The following DSCAM variants were observed in gnomAD, a reference collection of about 807,000 sequenced individuals.
The protein encoded by DSCAM is cell adhesion molecule DSCAM.
Under a neutral mutation model 217.7 loss-of-function variants are expected in DSCAM, and 47 were observed. The observed-to-expected ratio is 0.22, with a 90% CI of 0.17 to 0.28. The LOEUF (loss-of-function observed/expected upper bound fraction) is 0.28. Among genes scored for constraint, DSCAM ranks in the 10% least tolerant of loss-of-function variants. DSCAM has a pLI of 1.00. For synonymous variants in DSCAM, 1,056 were observed against 1,015.3 expected, an observed-to-expected ratio of 1.04 and a Z score of -0.76; for missense variants, 2,080 against 2,618.3, an observed-to-expected ratio of 0.79 and a Z score of 4.49.
chr21:40,839,830 T>TA (rs1181623124), intron 1 of DSCAM, among the ~76,000 whole-genome samples: 2 of 151,844 alleles, frequency 1.3e-5, no homozygotes, highest in African/African-American at 2.4e-5. Context: ...GTCTTCTCAG[T>TA]AAAAAAAATA....
intron 3 of DSCAM, among the ~76,000 whole-genome samples, chr21:40,610,107 C>T (rs934735800): frequency 6.6e-6 from 1 of 152,180 alleles, no homozygotes; most frequent in South Asian, 2.1e-4. Flanking sequence ...ACGAACATCT[C>T]GAGGATTCTG....
chr21:40,153,736 G>A (rs1161862960), intron 16 of DSCAM, among the ~76,000 whole-genome samples: 2 of 152,270 alleles, frequency 1.3e-5, no homozygotes, highest in South Asian at 4.1e-4. Flanking sequence ...AGCCTGGTGA[G>A]GTGTGTTTTA....
chr21:40,824,941 TC>T (rs1477826383), intron 1 of DSCAM, among the ~76,000 whole-genome samples: 1 of 152,236 alleles, frequency 6.6e-6, no homozygotes, highest in Non-Finnish European at 1.5e-5. Context: ...GAAGTTGTTT[TC>T]TGCTTCCATA....
chr21:40,557,659 T>C (rs2076682742), intron 3 of DSCAM, among the ~76,000 whole-genome samples: 1 of 152,144 alleles, frequency 6.6e-6, no homozygotes, highest in African/African-American at 2.4e-5. Context: ...CCATGTAATC[T>C]CCCTGTACAT....
At chr21:40,461,350 A>C (rs1569133347) in intron 3 of DSCAM, among the ~76,000 whole-genome samples, 1 of 152,182 alleles carries the variant, frequency 6.6e-6, no homozygotes, top group Non-Finnish European at 1.5e-5. Context: ...CATTTTCTAA[A>C]ATCCCTTTTC....
At position 40,080,247 on chromosome 21, in the gene DSCAM, T is replaced by A; in HGVS notation, c.4325A>T (p.Lys1442Ile). 3 of 1,613,472 alleles carry A rather than the reference T, an allele frequency of 1.9e-6. No homozygotes were observed. The highest frequency in any genetic ancestry group is 2.5e-6 in the Non-Finnish European group (3 of 1,179,890). Residue 1442 changes from lysine (K) to isoleucine (I), a missense_variant, in exon 25 of 33, where the codon AAA (lysine) becomes ATA (isoleucine). By Grantham distance (102) the Lys-to-Ile change is moderately radical. This residue lies in a region of DSCAM where 1,144 missense variants were observed against 1,421.1 expected (regional missense o/e 0.81). Coordinates refer to ENST00000400454, the MANE Select transcript of DSCAM (RefSeq NM_001389.5). Reference sequence around the variant, plus strand: ...TGTGAACTTATACCAAGTCCCACATTTGAGATTTTCCAAGCGATAGGAACG... The same window carrying A: ...TGTGAACTTATACCAAGTCCCACATATGAGATTTTCCAAGCGATAGGAACG... Reference protein sequence around the residue: ...SERSYRLENLKCGTWYKFTLT... With the variant: ...SERSYRLENLICGTWYKFTLT...
At chr21:40,167,036 G>A (rs1186675194) in intron 16 of DSCAM, among the ~76,000 whole-genome samples, 182 bp downstream of exon 16, 4 of 151,320 alleles carry the variant, frequency 2.6e-5, no homozygotes, top group African/African-American at 9.7e-5. Context: ...CACAGAATTT[G>A]CTGTAAAAGT....
intron 19 of DSCAM, among the ~76,000 whole-genome samples, chr21:40,132,325 G>C (rs1262352431): frequency 2.0e-5 from 3 of 152,170 alleles, no homozygotes; most frequent in African/African-American, 4.8e-5. Context: ...GGTGCCCAAA[G>C]ACCCACGGGC....
At chr21:40,365,073 T>C (rs1273017408) in intron 4 of DSCAM, among the ~76,000 whole-genome samples, 2 of 151,440 alleles carry the variant, frequency 1.3e-5, no homozygotes, top group Non-Finnish European at 2.9e-5. Flanking sequence ...ATATAATATA[T>C]AAACAAATAT....
chr21:40,160,049 G>A (rs1237307654), intron 16 of DSCAM, among the ~76,000 whole-genome samples: 1 of 152,144 alleles, frequency 6.6e-6, no homozygotes, highest in Non-Finnish European at 1.5e-5. Flanking sequence ...ATCCAAATCG[G>A]GGTTGTTAAT....
intron 14 of DSCAM, among the ~76,000 whole-genome samples, chr21:40,182,306 T>C (rs961429278): frequency 6.6e-6 from 1 of 151,964 alleles, no homozygotes; most frequent in Admixed American, 6.6e-5. Context: ...TTCTCAAGGA[T>C]AACAGTCCTC....
At chr21:40,209,606 CT>C (rs2091162623) in intron 11 of DSCAM, among the ~76,000 whole-genome samples, 1 of 152,156 alleles carries the variant, frequency 6.6e-6, no homozygotes, top group African/African-American at 2.4e-5. Context: ...AATGTGGCAC[CT>C]TTCCTTCCAA....
At chr21:40,466,882 C>T (rs958817983) in intron 3 of DSCAM, among the ~76,000 whole-genome samples, 1 of 152,182 alleles carries the variant, frequency 6.6e-6, no homozygotes, top group African/African-American at 2.4e-5. Flanking sequence ...AAAACACTTA[C>T]AAGAACTGAG....
chr21:40,030,894 T>C (rs59527515), intron 32 of DSCAM, among the ~76,000 whole-genome samples: 3,526 of 152,240 alleles, frequency 0.023, 134 homozygotes, highest in African/African-American at 0.08. Context: ...AAATAAAAGC[T>C]TAGCATGTAT....
At chr21:40,691,331 G>A (rs2146447298) in intron 3 of DSCAM, among the ~76,000 whole-genome samples, 1 of 152,294 alleles carries the variant, frequency 6.6e-6, no homozygotes, top group East Asian at 1.9e-4. Context: ...GGATGACAGG[G>A]TTAAAAGATG....
chr21:40,416,651 G>C (rs1025503548), intron 3 of DSCAM, among the ~76,000 whole-genome samples: 2 of 152,006 alleles, frequency 1.3e-5, no homozygotes, highest in African/African-American at 4.8e-5. Flanking sequence ...AAAAATTGTA[G>C]GGATTGATAT....
At chr21:40,691,207 T>C (rs1965067339) in intron 3 of DSCAM, among the ~76,000 whole-genome samples, 1 of 152,228 alleles carries the variant, frequency 6.6e-6, no homozygotes, top group South Asian at 2.1e-4. Context: ...CTTTGGCCAA[T>C]TAAATATGAA....
chr21:40,250,101 C>T (rs1422451644), intron 11 of DSCAM, among the ~76,000 whole-genome samples: 2 of 152,202 alleles, frequency 1.3e-5, no homozygotes, highest in Admixed American at 1.3e-4. Flanking sequence ...GGAATTTAAA[C>T]ATGAGACAAT....
chr21:40,045,771 T>C (rs969722017), intron 30 of DSCAM, among the ~76,000 whole-genome samples: 2 of 152,216 alleles, frequency 1.3e-5, no homozygotes, highest in African/African-American at 4.8e-5. Flanking sequence ...TGTTGGGCTC[T>C]CACGAAGTTT....
Sources: gnomAD v4.1 joint callset for allele counts (sites outside exome capture counted in the v4.1 genomes callset) on GRCh38, gnomAD v4.1.1 for gene constraint, gnomAD v4.1.1 regional missense constraint, MANE v1.5 for transcripts, NCBI Gene and HGNC (gene_info 2026-07-23, HGNC 2026-07-21) for gene names.